Variants in RPH3AL observed in about 807,000 individuals in gnomAD.
The protein encoded by RPH3AL is rab effector Noc2.
A neutral mutation model predicts 43.1 loss-of-function variants in RPH3AL; 38 were observed. That is an observed-to-expected ratio of 0.88 (90% CI 0.68 to 1.15). RPH3AL has a LOEUF of 1.15. Among genes scored for constraint, RPH3AL ranks in the 50% most tolerant of loss-of-function variants. The pLI, the probability that RPH3AL is intolerant of heterozygous loss-of-function variation, is 0.00. For missense variants in RPH3AL, 462 were observed against 423.2 expected (o/e 1.09, Z -0.81); for synonymous variants, 189 against 176.3 (o/e 1.07, Z -0.57).
At chr17:249,517 T>A (rs1567584018) in intron 6 of RPH3AL, among the ~76,000 whole-genome samples, 1 of 151,930 alleles carries the variant, frequency 6.6e-6, no homozygotes, top group Non-Finnish European at 1.5e-5. Context: ...TCCTGCCACC[T>A]GGCAAACACA....
At chr17:237,409 C>T (rs2041424135) in intron 7 of RPH3AL, among the ~76,000 whole-genome samples, 1 of 152,170 alleles carries the variant, frequency 6.6e-6, no homozygotes. Context: ...TTCAAAGCCA[C>T]CCAGGAGGCC....
At chr17:275,674 AT>A (rs1159565001) in intron 6 of RPH3AL, among the ~76,000 whole-genome samples, 2 of 152,128 alleles carry the variant, frequency 1.3e-5, no homozygotes, top group African/African-American at 4.8e-5. Context: ...CAGCCTCCTG[AT>A]AGCTGAGGCT....
At chr17:235,531 C>CGCAGTA (rs2041355104) in intron 7 of RPH3AL, among the ~76,000 whole-genome samples, 4 of 63,642 alleles carry the variant, frequency 6.3e-5, no homozygotes, top group South Asian at 4.9e-4. Flanking sequence ...GCGGAGGCTC[C>CGCAGTA]ACACTAACAA....
In RPH3AL at chr17:328,776, T is replaced by G. The variant is rs533364713; in HGVS notation, c.-36-1197A>C. Among the ~76,000 whole-genome samples the G allele has an allele frequency of 3.9e-5, 6 of 152,374 alleles. No individual in the cohort carries two copies. The South Asian group carries it at 1.2e-3, about 32-fold the overall frequency. ...GATTATTATTATTTACAATGGAGTA[T>G]GATTTACAATGGATTATTATTTGGC... On this transcript the variant is annotated intron_variant, in intron 2 of 9. Coordinates refer to ENST00000331302, the MANE Select transcript of RPH3AL (RefSeq NM_006987.4). This position sits in a 1 kb window ranked among gnomAD's most constrained non-coding sequence, Gnocchi z 4.2.
intron 5 of RPH3AL, among the ~76,000 whole-genome samples, chr17:314,255 C>T (rs1000338461): frequency 6.6e-6 from 1 of 152,184 alleles, no homozygotes; most frequent in African/African-American, 2.4e-5. Context: ...ACAGGCCAGG[C>T]TCTGTGCCTC....
At chr17:226,048 G>A (rs73273764) in intron 7 of RPH3AL, among the ~76,000 whole-genome samples, 4,539 of 152,364 alleles carry the variant, frequency 0.03, 85 homozygotes, top group Middle Eastern at 0.041. Flanking sequence ...GTTATGAGTC[G>A]TGCATTTTAT....
At position 225,651 on chromosome 17, in the gene RPH3AL, G is replaced by GCT. The variant is rs1314868433; in HGVS notation, c.614-5917_614-5916dup. ...GGACAGTCCTGCGGAGGGTGGGGTG[G>GCT]CTCGTCTGCACACCGGTTTCCGCCT... On this transcript the variant is annotated intron_variant, in intron 7 of 9. Transcript: ENST00000331302. The surrounding 1 kb of genome is among the most constrained non-coding windows in gnomAD (Gnocchi z 4.4). Among the ~76,000 whole-genome samples, 3 of 152,166 alleles carry GCT rather than the reference G, an allele frequency of 2.0e-5. No homozygotes were observed. The highest frequency in any genetic ancestry group is 4.4e-5 in the Non-Finnish European group (3 of 68,008).
At chr17:243,214 C>T (rs2041623264) in intron 7 of RPH3AL, among the ~76,000 whole-genome samples, 1 of 145,876 alleles carries the variant, frequency 6.9e-6, no homozygotes, top group East Asian at 2.0e-4. Flanking sequence ...CTATTGACTA[C>T]CTTCCTCTAT....
chr17:247,235 G>C lies in RPH3AL; in HGVS notation c.489C>G (p.Ile163Met). 3 of 1,611,528 alleles carry C rather than the reference G, an allele frequency of 1.9e-6. No individual in the cohort carries two copies. The highest frequency in any genetic ancestry group is 2.5e-6 in the Non-Finnish European group (3 of 1,178,604). ...CTCGGCCAGGGGTCTTCAGGGGCAA[G>C]ATATACTTGGGGAGCCCTTTGTAGA... ...AWFYKGLPKY[I>M]LPLKTPGRAD... The change falls in exon 7 of 10, where the codon ATC becomes ATG. Residue 163 changes from isoleucine to methionine, a missense_variant. Physicochemically the swap from Ile to Met is conservative, Grantham distance 10. Transcript: ENST00000331302.
chr17:282,927 G>A (rs1291646312), intron 5 of RPH3AL, among the ~76,000 whole-genome samples: 8 of 152,346 alleles, frequency 5.3e-5, no homozygotes, highest in East Asian at 1.9e-4. Flanking sequence ...TGGCCGAAAC[G>A]TCATTATGTG....
intron 5 of RPH3AL, among the ~76,000 whole-genome samples, chr17:317,074 AG>A (rs2044270778): frequency 1.1e-5 from 1 of 92,114 alleles, no homozygotes; most frequent in African/African-American, 4.6e-5. Flanking sequence ...ACTGACCTGT[AG>A]TCTCTGTGCT....
At position 214,364 on chromosome 17, in the gene RPH3AL, G is replaced by A. The variant is rs1008085570; in HGVS notation, c.877-441C>T. On this transcript the variant is annotated intron_variant, in intron 9 of 9. Coordinates refer to ENST00000331302, the MANE Select transcript of RPH3AL (RefSeq NM_006987.4). ...ATGTGACACTGGATTTTGTCTCCCCGGAACCCTGTGAAGGACACCGTACCG... is the reference window on the plus strand; with the variant it reads ...ATGTGACACTGGATTTTGTCTCCCCAGAACCCTGTGAAGGACACCGTACCG... Among the ~76,000 whole-genome samples, 26 of 152,172 alleles carry A rather than the reference G, an allele frequency of 1.7e-4. No individual in the cohort carries two copies. In the East Asian group the frequency reaches 2.7e-3, roughly 16 times the overall value.
At position 215,663 on chromosome 17, in the gene RPH3AL, T is replaced by C. The variant is rs2040779973; in HGVS notation, c.867A>G (p.Arg289=). The C allele has an allele frequency of 7.8e-7, 1 of 1,277,784 alleles. No homozygotes were observed. Among genetic ancestry groups the C allele is most frequent in the East Asian group, 3.1e-5 (1 of 31,816 alleles). The allele number at this position is 1,277,784 out of a possible 1,614,324, so 79.2% of individuals were successfully genotyped here. ...GCAGTTGGGTACTCACCGGGGCCCTTCGGGTCAGCCCGGGGCGGGGTCCCC... is the reference window on the plus strand; with the variant it reads ...GCAGTTGGGTACTCACCGGGGCCCTCCGGGTCAGCCCGGGGCGGGGTCCCC... ...PPGGPRPGLT[R]RAPVKDTPGR... is the part of the protein sequence containing the mutation. Residue 289 remains arginine (R), a synonymous_variant, in exon 9 of 10, where the codon CGA becomes CGG. Transcript: ENST00000331302. This position sits in a 1 kb window ranked among gnomAD's most constrained non-coding sequence, Gnocchi z 4.1.
chr17:352,304 C>T (rs1339299777), intron 1 of RPH3AL, among the ~76,000 whole-genome samples: 1 of 152,212 alleles, frequency 6.6e-6, no homozygotes, highest in Non-Finnish European at 1.5e-5. Flanking sequence ...TGACCCCAGG[C>T]CCATCTGCTG....
intron 5 of RPH3AL, among the ~76,000 whole-genome samples, chr17:313,321 T>A (rs1007552251): frequency 3.3e-5 from 5 of 152,184 alleles, no homozygotes; most frequent in African/African-American, 1.2e-4. Flanking sequence ...AACACTCCAC[T>A]GGCATCTCAT....
chr17:319,535 C>T lies in RPH3AL; in HGVS notation c.236G>A (p.Arg79Gln), dbSNP rs752392880. 78 of 1,611,436 alleles carry T rather than the reference C, an allele frequency of 4.8e-5. No homozygotes were observed. The highest frequency in any genetic ancestry group is 5.7e-5 in the Non-Finnish European group (67 of 1,179,954). The change falls in exon 5 of 10, where the codon CGG becomes CAG. Residue 79 changes from arginine to glutamine, a missense_variant. Physicochemically the swap from Arg to Gln is conservative, Grantham distance 43. Coordinates refer to ENST00000331302, the MANE Select transcript of RPH3AL (RefSeq NM_006987.4). Reference protein sequence around the residue: ...EQQRIGRLVERLETMRRNVMG... With the variant: ...EQQRIGRLVEQLETMRRNVMG... ...CACATTCCGCCTCATGGTCTCCAGC[C>T]GCTCCACCAGCCGCCTGCAGCACAG...
chr17:316,477 GC>G (rs111811619), intron 5 of RPH3AL, among the ~76,000 whole-genome samples: 1 of 139,438 alleles, frequency 7.2e-6, no homozygotes, highest in African/African-American at 2.9e-5. Flanking sequence ...TAGTCTCTGT[GC>G]CCCACCTCCA....
chr17:226,571 C>T (rs1323184202), intron 7 of RPH3AL, among the ~76,000 whole-genome samples: 1 of 152,210 alleles, frequency 6.6e-6, no homozygotes, highest in Non-Finnish European at 1.5e-5. Flanking sequence ...CATTTACTGG[C>T]AGGGCGGAAG....
At chr17:280,471 C>T (rs1474951782) in intron 6 of RPH3AL, among the ~76,000 whole-genome samples, 1 of 152,138 alleles carries the variant, frequency 6.6e-6, no homozygotes, top group African/African-American at 2.4e-5. Context: ...ATGAGCAGCT[C>T]GCCACAAACC....
Sources: allele counts gnomAD v4.1 joint callset (sites outside exome capture counted in the v4.1 genomes callset), GRCh38; gene constraint gnomAD v4.1.1; non-coding constraint Gnocchi (gnomAD v3.1); transcripts MANE v1.5; gene names NCBI Gene and HGNC (gene_info 2026-07-23, HGNC 2026-07-21).